Variants in RP1L1 observed in about 807,000 individuals in gnomAD.
RP1L1 encodes the protein retinitis pigmentosa 1-like 1 protein.
Under a neutral mutation model 15.7 loss-of-function variants are expected in RP1L1, and 27 were observed. That is an observed-to-expected ratio of 1.72 (90% CI 1.27 to 2.38). The LOEUF (loss-of-function observed/expected upper bound fraction) is 2.38. Among genes scored for constraint, RP1L1 ranks in the 30% most tolerant of loss-of-function variants. The pLI is 0.00. For synonymous variants in RP1L1, 1,813 were observed against 1,276.7 expected (o/e 1.42, Z -8.96); for missense variants, 4,798 against 3,075.9 (o/e 1.56, Z -13.24).
At chr8:10,616,172 C>A (rs142442064) in intron 3 of RP1L1, among the ~76,000 whole-genome samples, 3 of 152,062 alleles carry the variant, frequency 2.0e-5, no homozygotes, top group Middle Eastern at 3.2e-3. Context: ...GGCCCCCAAA[C>A]GGCTGGAATT....
Position 10,627,707 on chromosome 8 carries a change from G to A in RP1L1, c.-19-4487C>T, listed in dbSNP as rs1197672889. ...GTGGGATGAATTACCCTTTAAGAAG[G>A]TAATTACCCCTTAAGAGGAGGACAT... On this transcript the variant is annotated intron_variant, in intron 1 of 3. Coordinates refer to ENST00000382483, the MANE Select transcript of RP1L1 (RefSeq NM_178857.6). Among the ~76,000 whole-genome samples the A allele has an allele frequency of 2.6e-5, 4 of 152,160 alleles. No homozygotes were observed. In the East Asian group the frequency reaches 7.7e-4, roughly 29 times the overall value.
intron 1 of RP1L1, among the ~76,000 whole-genome samples, chr8:10,650,613 G>A (rs932010892): frequency 2.6e-5 from 4 of 151,098 alleles, no homozygotes; most frequent in African/African-American, 9.8e-5. Flanking sequence ...CTGGAGTGCA[G>A]TGGTGCGATC....
rs1244487357 is a variant in RP1L1, at chr8:10,606,750, A to G, written c.*145T>C. 2.2e-6 allele frequency: 3 copies of G among 1,355,802 alleles called. No individual in the cohort carries two copies. The East Asian group carries it at 7.3e-5, about 33-fold the overall frequency. 84.0% of individuals were successfully genotyped at this position (1,355,802 alleles called of 1,614,324 possible). ...CTTAAGAGTCCCAGGACAGCATGGC[A>G]TGGGCTGTGTCCTTGGCAAGTCCTT... On this transcript the variant is annotated 3_prime_UTR_variant, in exon 4 of 4. Transcript: ENST00000382483.
Position 10,623,033 on chromosome 8 carries a change from C to A in RP1L1, c.169G>T (p.Ala57Ser), listed in dbSNP as rs200493737. The change falls in exon 2 of 4, where the codon GCC becomes TCC. Residue 57 changes from alanine (A) to serine (S), a missense_variant. Transcript: ENST00000382483. ...ATGAGGGCGCTGAAGGTCTTAAAGG[C>A]GCGCTGGTGAACGGCCAGGCGGACC... ...AGVRLAVHQR[A>S]FKTFSALMDE... 1 of 1,614,158 alleles carries A rather than the reference C, an allele frequency of 6.2e-7. No homozygotes were observed. Among genetic ancestry groups the A allele is most frequent in the African/African-American group, 1.3e-5 (1 of 75,036 alleles).
intron 1 of RP1L1, among the ~76,000 whole-genome samples, chr8:10,650,440 C>T (rs986465875): frequency 2.0e-5 from 3 of 152,124 alleles, no homozygotes; most frequent in African/African-American, 7.2e-5. Context: ...GCGTTATCCA[C>T]ATCTATGATA....
In RP1L1 at chr8:10,608,124, C is replaced by T; in HGVS notation, c.5974G>A (p.Glu1992Lys). 6.2e-7 allele frequency: 1 copy of T among 1,613,496 alleles called. No individual in the cohort carries two copies. The highest frequency in any genetic ancestry group is 8.5e-7 in the Non-Finnish European group (1 of 1,179,876). Reference sequence around the variant, plus strand: ...ACATCTTCTGACTCTGGCTGGGCCTCCCCTTCTGCCTCCTGGGTCTCCACT... The same window carrying T: ...ACATCTTCTGACTCTGGCTGGGCCTTCCCTTCTGCCTCCTGGGTCTCCACT... ...VEVETQEAEG[E>K]AQPESEDVEA... Residue 1992 changes from glutamate (E) to lysine (K), a missense_variant, in exon 4 of 4, where the codon GAG (glutamate) becomes AAG (lysine). Glu to Lys is a moderately conservative substitution (Grantham distance 56). Transcript: ENST00000382483.
intron 1 of RP1L1, among the ~76,000 whole-genome samples, chr8:10,642,557 G>A (rs572076574): frequency 3.3e-5 from 5 of 152,350 alleles, no homozygotes; most frequent in Admixed American, 1.3e-4. Flanking sequence ...AATGATCACA[G>A]AGACATCATA....
In RP1L1 at chr8:10,613,055, G is replaced by C. The variant is rs374888951; in HGVS notation, c.1043C>G (p.Ala348Gly). 3 of 1,613,524 alleles carry C rather than the reference G, an allele frequency of 1.9e-6. No homozygotes were observed. The highest frequency in any genetic ancestry group is 1.3e-5 in the African/African-American group (1 of 74,962). The change falls in exon 4 of 4, where the codon GCC (alanine) becomes GGC (glycine). Residue 348 changes from alanine to glycine, a missense_variant. By Grantham distance (60) the Ala-to-Gly change is moderately conservative. Transcript: ENST00000382483. ...GTCTTCCCCACTGGCTGCCGTGAGG[G>C]CGCTGGCCCTGCCCATCCTCCGGGA... Reference protein sequence around the residue: ...LWSRRMGRASALTAASGEDPV... With the variant: ...LWSRRMGRASGLTAASGEDPV...
chr8:10,633,260 G>C (rs1798279022), intron 1 of RP1L1, among the ~76,000 whole-genome samples: 1 of 152,152 alleles, frequency 6.6e-6, no homozygotes, highest in Non-Finnish European at 1.5e-5. Flanking sequence ...AAGCAGAGAT[G>C]CTGACCTCTC....
rs199996267 is a variant in RP1L1 at position 10,608,772 on chromosome 8, T to A, written c.5326A>T (p.Thr1776Ser). Residue 1776 changes from threonine to serine, a missense_variant, in exon 4 of 4, where the codon ACC becomes TCC. Coordinates refer to ENST00000382483, the MANE Select transcript of RP1L1 (RefSeq NM_178857.6). ...DAMAQEREGK[T>S]HNSETSAGSE... ...CCCGCACTGGTTTCACTGTTGTGGG[T>A]TTTCCCTTCTCTCTCCTGAGCCATT... 1.9e-4 allele frequency: 300 copies of A among 1,614,170 alleles called. No individual in the cohort carries two copies. The highest frequency in any genetic ancestry group is 2.5e-4 in the Non-Finnish European group (290 of 1,180,034).
At chr8:10,654,337 G>C (rs1798607362) in intron 1 of RP1L1, among the ~76,000 whole-genome samples, 1 of 152,148 alleles carries the variant, frequency 6.6e-6, no homozygotes, top group African/African-American at 2.4e-5. Context: ...GCTGGGTAGA[G>C]AAAATTCAAT....
At position 10,612,469 on chromosome 8, in the gene RP1L1, C is replaced by G; in HGVS notation, c.1629G>C (p.Glu543Asp). Reference sequence around the variant, plus strand: ...GCCGCCCACCCCATTCGCTGGATCCCTCATGAGAGCCGGTGCTGGCTGACG... The same window carrying G: ...GCCGCCCACCCCATTCGCTGGATCCGTCATGAGAGCCGGTGCTGGCTGACG... ...SDSSASTGSHEGSSEWGGRPQ... is the reference protein window; with the variant it reads ...SDSSASTGSHDGSSEWGGRPQ... Residue 543 changes from glutamate to aspartate, a missense_variant, in exon 4 of 4, where the codon GAG (glutamate) becomes GAC (aspartate). Physicochemically the swap from Glu to Asp is conservative, Grantham distance 45. Transcript: ENST00000382483. 2.5e-6 allele frequency: 4 copies of G among 1,612,732 alleles called. No individual in the cohort carries two copies. Among genetic ancestry groups the G allele is most frequent in the Non-Finnish European group, 3.4e-6 (4 of 1,180,014 alleles).
rs776156711 is a variant in RP1L1 at position 10,606,954 on chromosome 8, C to T, written c.7144G>A (p.Ala2382Thr). 21 of 1,614,090 alleles carry T rather than the reference C, an allele frequency of 1.3e-5. No individual in the cohort carries two copies. Among genetic ancestry groups the T allele is most frequent in the East Asian group, 4.5e-5 (2 of 44,894 alleles). The stretch of plus-strand genomic sequence containing the variant: ...GCCCTGCCCACTGCCTCAGTGGGGG[C>T]GAGACTTCCGAGTGCCTGGTCCTCT... ...LQEDQALGSL[A>T]PTEAVGRADG... Residue 2382 changes from alanine to threonine, a missense_variant, in exon 4 of 4, where the codon GCC becomes ACC. Ala to Thr is a moderately conservative substitution (Grantham distance 58). Coordinates refer to ENST00000382483, the MANE Select transcript of RP1L1 (RefSeq NM_178857.6).
At chr8:10,641,800 A>G (rs1798411549) in intron 1 of RP1L1, among the ~76,000 whole-genome samples, 1 of 152,280 alleles carries the variant, frequency 6.6e-6, no homozygotes, top group African/African-American at 2.4e-5. Context: ...GTACATTCAT[A>G]TCATGGAATG....
chr8:10,636,172 G>T (rs1798327091), intron 1 of RP1L1, among the ~76,000 whole-genome samples: 1 of 152,196 alleles, frequency 6.6e-6, no homozygotes, highest in Non-Finnish European at 1.5e-5. Flanking sequence ...AATGCTTATG[G>T]GCCTTGCCAT....
chr8:10,617,935 C>T (rs1357178989), intron 2 of RP1L1, among the ~76,000 whole-genome samples: 4 of 152,146 alleles, frequency 2.6e-5, no homozygotes, highest in South Asian at 2.1e-4. Flanking sequence ...ACCCACTAAA[C>T]GGTAGCTAAC....
At chr8:10,651,255 C>T (rs1044997124) in intron 1 of RP1L1, among the ~76,000 whole-genome samples, 2 of 152,114 alleles carry the variant, frequency 1.3e-5, no homozygotes, top group Non-Finnish European at 1.5e-5. Context: ...GGGTGGAGCC[C>T]AGCAATCTGT....
chr8:10,635,256 C>G (rs1300874860), intron 1 of RP1L1, among the ~76,000 whole-genome samples: 1 of 152,150 alleles, frequency 6.6e-6, no homozygotes, highest in African/African-American at 2.4e-5. Flanking sequence ...TGCCCTCCAA[C>G]TGACCCGTTA....
In RP1L1 at chr8:10,612,883, A is replaced by T; in HGVS notation, c.1215T>A (p.Tyr405Ter). 1 of 1,612,538 alleles carries T rather than the reference A, an allele frequency of 6.2e-7. No individual in the cohort carries two copies. The highest frequency in any genetic ancestry group is 8.5e-7 in the Non-Finnish European group (1 of 1,179,846). Residue 405 changes from tyrosine to a stop codon, truncating the protein, a stop_gained, in exon 4 of 4, where the codon TAT (tyrosine) becomes TAA (stop). Coordinates refer to ENST00000382483, the MANE Select transcript of RP1L1 (RefSeq NM_178857.6). LOFTEE classifies it low-confidence loss of function (END_TRUNC). ...CATGCAGGGGATTCGTCCAGATTTCATACTTGGGCCCTGGCTGCCCGCCTC... is the reference window on the plus strand; with the variant it reads ...CATGCAGGGGATTCGTCCAGATTTCTTACTTGGGCCCTGGCTGCCCGCCTC... ...FGRGGQPGPK[Y>*]EIWTNPLHAS...
Sources: allele counts gnomAD v4.1 joint callset (sites outside exome capture counted in the v4.1 genomes callset), GRCh38; gene constraint gnomAD v4.1.1; transcripts MANE v1.5; gene names NCBI Gene and HGNC (gene_info 2026-07-23, HGNC 2026-07-21).